N4BP2L2: variants seen among roughly 807,000 people sequenced by gnomAD.
N4BP2L2 encodes the protein NEDD4 binding protein 2 like 2.
Under a neutral mutation model 56.2 loss-of-function variants are expected in N4BP2L2, and 50 were observed. The observed-to-expected ratio is 0.89, with a 90% confidence interval of 0.71 to 1.13. The LOEUF is 1.13. Among genes scored for constraint, N4BP2L2 ranks in the 50% most tolerant of loss-of-function variants. The pLI is 0.00. For missense variants in N4BP2L2, 689 were observed against 693.8 expected, an observed-to-expected ratio of 0.99 and a Z score of 0.08; for synonymous variants, 203 against 223.6, an observed-to-expected ratio of 0.91 and a Z score of 0.82.
At chr13:32,477,937 T>C (rs1213173068) in intron 6 of N4BP2L2, 1 of 1,289,302 alleles carries the variant, frequency 7.8e-7, no homozygotes, top group Admixed American at 2.3e-5. Flanking sequence ...AGTCTCCCTT[T>C]TGTTCTTGCT....
intron 1 of N4BP2L2, 145 bp downstream of exon 1, chr13:32,538,473 A>T: frequency 2.8e-6 from 1 of 353,600 alleles, no homozygotes; most frequent in Non-Finnish European, 4.0e-6. Context: ...GGTCCTGTCC[A>T]GGAATTCTGG....
chr13:32,520,132 T>C (rs1443650260), intron 5 of N4BP2L2, among the ~76,000 whole-genome samples: 1 of 151,938 alleles, frequency 6.6e-6, no homozygotes, highest in South Asian at 2.1e-4. Flanking sequence ...AGTAAATTAG[T>C]TGGACCCCAT....
At chr13:32,468,323 A>G (rs1475513176) in intron 6 of N4BP2L2, among the ~76,000 whole-genome samples, 1 of 152,110 alleles carries the variant, frequency 6.6e-6, no homozygotes, top group Non-Finnish European at 1.5e-5. Context: ...GGAATATTTT[A>G]TAAGTTGAAG....
intron 6 of N4BP2L2, among the ~76,000 whole-genome samples, chr13:32,475,688 A>G (rs2083193652): frequency 6.6e-6 from 1 of 152,184 alleles, no homozygotes; most frequent in Non-Finnish European, 1.5e-5. Context: ...GACTGCCAGT[A>G]TCTATGTCTG....
exon 8 of N4BP2L2, chr13:32,438,672 G>T: frequency 4.4e-6 from 7 of 1,606,924 alleles, no homozygotes; most frequent in Non-Finnish European, 6.0e-6. Flanking sequence ...ATCTTCCATT[G>T]CAAGTAGATC....
At chr13:32,491,693 G>A (rs1045584280) in intron 6 of N4BP2L2, among the ~76,000 whole-genome samples, 11 of 148,088 alleles carry the variant, frequency 7.4e-5, no homozygotes, top group Non-Finnish European at 1.6e-4. Flanking sequence ...GTGCAGTGGC[G>A]CAATCTCGGC....
exon 10 of N4BP2L2, chr13:32,432,918 G>C (rs1175707934): frequency 6.6e-6 from 1 of 152,228 alleles, no homozygotes; most frequent in African/African-American, 2.4e-5. Context: ...TGAGCACTCT[G>C]ACTTTTCTCC....
At chr13:32,512,727 G>A (rs1199451049) in exon 6 of N4BP2L2, 1 of 152,092 alleles carries the variant, frequency 6.6e-6, no homozygotes, top group Non-Finnish European at 1.5e-5. Context: ...TGTGCATAGA[G>A]TGATAATACA....
At chr13:32,484,903 C>T (rs946309388) in intron 6 of N4BP2L2, among the ~76,000 whole-genome samples, 1 of 152,086 alleles carries the variant, frequency 6.6e-6, no homozygotes, top group Admixed American at 6.6e-5. Context: ...TAAATTATTG[C>T]CACAAAATGA....
At chr13:32,495,703 A>T (rs781234834) in intron 6 of N4BP2L2, among the ~76,000 whole-genome samples, 4 of 151,108 alleles carry the variant, frequency 2.6e-5, no homozygotes, top group Admixed American at 2.0e-4. Flanking sequence ...TTTTTTTTTT[A>T]AATGGAGTCT....
intron 9 of N4BP2L2, among the ~76,000 whole-genome samples, chr13:32,434,472 A>C (rs1420093783): frequency 6.6e-6 from 1 of 152,124 alleles, no homozygotes; most frequent in Non-Finnish European, 1.5e-5. Context: ...TTACAAATTA[A>C]GAAACTGAGA....
At chr13:32,481,104 G>C (rs1267474567) in intron 6 of N4BP2L2, among the ~76,000 whole-genome samples, 1 of 99,662 alleles carries the variant, frequency 1.0e-5, no homozygotes. Flanking sequence ...CAGCAACAGA[G>C]TGAGACTCTG....
At chr13:32,438,707 G>C in exon 8 of N4BP2L2, 1 of 1,610,698 alleles carries the variant, frequency 6.2e-7, no homozygotes, top group African/African-American at 1.3e-5. Flanking sequence ...CCAGTCAAGG[G>C]GAACCACATA....
At chr13:32,520,538 A>G (rs1439971642) in intron 5 of N4BP2L2, among the ~76,000 whole-genome samples, 1 of 152,026 alleles carries the variant, frequency 6.6e-6, no homozygotes, top group Non-Finnish European at 1.5e-5. Flanking sequence ...CAGCACCTAT[A>G]GTCCCACCCA....
Position 32,533,515 on chromosome 13 carries a change from ATTTTTTT to A in N4BP2L2, c.1259+2247_1259+2253del, listed in dbSNP as rs766383227. ...CACATACCAAACATAAGCATTACTA[ATTTTTTT>A]TTTTTTTTTTTTTTTTTGAGACAGG... On this transcript the variant is annotated intron_variant, in intron 2 of 5. Transcript: ENST00000267068. Among the ~76,000 whole-genome samples, 411 of 122,276 alleles carry A rather than the reference ATTTTTTT, an allele frequency of 3.4e-3. 1 individual carries two copies. The highest frequency in any genetic ancestry group is 0.012 in the African/African-American group (363 of 29,992). The allele number at this position is 122,276 out of a possible 152,430, so 80.2% of individuals were successfully genotyped here. A position where few individuals can be genotyped will look rare whatever the true frequency, so the allele number is the denominator to read the frequency against.
chr13:32,531,707 C>T (rs2140263770), intron 2 of N4BP2L2, among the ~76,000 whole-genome samples: 1 of 152,294 alleles, frequency 6.6e-6, no homozygotes, highest in African/African-American at 2.4e-5. Context: ...AAAGTCTCCT[C>T]CCATCTCTCT....
At chr13:32,531,590 ATC>A (rs2054818456) in intron 2 of N4BP2L2, among the ~76,000 whole-genome samples, 1 of 152,134 alleles carries the variant, frequency 6.6e-6, no homozygotes, top group Non-Finnish European at 1.5e-5. Flanking sequence ...GGGTAATTCA[ATC>A]TCTAAACACT....
chr13:32,522,701 A>G (rs1355551466), intron 3 of N4BP2L2: 1 of 152,588 alleles, frequency 6.6e-6, no homozygotes. Context: ...ATAGTTAAAT[A>G]TGATCCTATT....
chr13:32,453,841 T>C (rs888623064), intron 6 of N4BP2L2, among the ~76,000 whole-genome samples: 1 of 152,216 alleles, frequency 6.6e-6, no homozygotes, highest in Non-Finnish European at 1.5e-5. Flanking sequence ...CTTGTGCCTA[T>C]TTTAACTAAC....
Sources: allele counts gnomAD v4.1 joint callset (sites outside exome capture counted in the v4.1 genomes callset), GRCh38; gene constraint gnomAD v4.1.1; transcripts MANE v1.5; gene names NCBI Gene and HGNC (gene_info 2026-07-23, HGNC 2026-07-21).